The following THSD7B variants were observed in gnomAD, a reference collection of about 807,000 sequenced individuals.
The protein encoded by THSD7B is thrombospondin type 1 domain containing 7B.
THSD7B carries 138 observed loss-of-function variants against 213.6 expected under a neutral mutation model. The ratio of observed to expected loss-of-function variants is 0.65; its 90% CI spans 0.56 to 0.74. The LOEUF (loss-of-function observed/expected upper bound fraction) is 0.74, where lower values mean the gene tolerates loss of function less well. Ranked by LOEUF, THSD7B falls within the 30% of genes least tolerant of loss-of-function variation. The probability of loss-of-function intolerance (pLI) is 0.00; values close to 1 mark genes in which losing one functional copy is unlikely to be tolerated. For missense variants in THSD7B, 1,931 were observed against 1,991.5 expected (o/e 0.97, Z 0.58); for synonymous variants, 742 against 687.0 (o/e 1.08, Z -1.25).
intron 15 of THSD7B, among the ~76,000 whole-genome samples, chr2:137,487,396 A>AAAAAC (rs757398774): frequency 0.1 from 12,015 of 120,306 alleles, 1,327 homozygotes; most frequent in Non-Finnish European, 0.13. Context: ...AAAAAAAAAA[A>AAAAAC]AAAGAACTAG....
At chr2:136,856,070 A>G (rs1259131513) in intron 1 of THSD7B, among the ~76,000 whole-genome samples, 2 of 152,144 alleles carry the variant, frequency 1.3e-5, no homozygotes, top group African/African-American at 2.4e-5. Context: ...CCTTAGTGGC[A>G]TTTATCACTT....
At chr2:137,458,565 A>G (rs1660790556) in intron 15 of THSD7B, among the ~76,000 whole-genome samples, 1 of 152,196 alleles carries the variant, frequency 6.6e-6, no homozygotes. Context: ...TTTGGCACCC[A>G]TCAAGCGGAA....
chr2:136,778,987 C>T (rs1681669594), intron 1 of THSD7B, among the ~76,000 whole-genome samples: 1 of 152,114 alleles, frequency 6.6e-6, no homozygotes, highest in African/African-American at 2.4e-5. Flanking sequence ...CCCAAAAGTA[C>T]ACTTTAAAAT....
chr2:136,917,456 C>A (rs973760914), intron 2 of THSD7B, among the ~76,000 whole-genome samples: 9 of 152,158 alleles, frequency 5.9e-5, no homozygotes, highest in Non-Finnish European at 8.8e-5. Flanking sequence ...AGTGAGTCAG[C>A]TTATGTGTAT....
chr2:137,054,367 A>G (rs1299929655), intron 2 of THSD7B, among the ~76,000 whole-genome samples: 1 of 152,236 alleles, frequency 6.6e-6, no homozygotes, highest in African/African-American at 2.4e-5. Context: ...AGGCATTGAC[A>G]TGCTATTGCC....
chr2:137,094,510 G>GT lies in THSD7B; in HGVS notation c.951-361dup, dbSNP rs34811054. Among the ~76,000 whole-genome samples the GT allele has an allele frequency of 0.025, 3,864 of 151,888 alleles. 263 individuals carry two copies. The East Asian group carries it at 0.28, about 11-fold the overall frequency. ...AGTTGCTTGAATCTGGGAGGCAGAG[G>GT]TTGCATCACTGCACTTCAGCCTGGG... is the stretch of plus-strand genomic sequence containing the variant. On this transcript the variant is annotated intron_variant, in intron 3 of 27. Coordinates refer to ENST00000409968, the MANE Select transcript of THSD7B (RefSeq NM_001316349.2).
rs539392177 is a variant in THSD7B, at chr2:137,102,520, A to T, written c.1199+7399A>T. On this transcript the variant is annotated intron_variant, in intron 4 of 27. Coordinates refer to ENST00000409968, the MANE Select transcript of THSD7B (RefSeq NM_001316349.2). ...CAACTCCTCGCCAGCAGGGGAACAAAACTGGATGGAGAATGAGTTTGACGA... is the reference window on the plus strand; with the variant it reads ...CAACTCCTCGCCAGCAGGGGAACAATACTGGATGGAGAATGAGTTTGACGA... Among the ~76,000 whole-genome samples the T allele has an allele frequency of 2.0e-5, 3 of 152,296 alleles. No individual in the cohort carries two copies. In the South Asian group the frequency reaches 6.2e-4, roughly 32 times the overall value.
At chr2:136,899,091 T>C (rs1684017494) in intron 2 of THSD7B, among the ~76,000 whole-genome samples, 1 of 152,148 alleles carries the variant, frequency 6.6e-6, no homozygotes, top group Non-Finnish European at 1.5e-5. Context: ...AAAATACCCT[T>C]AGTTAAATGA....
chr2:137,479,540 G>A (rs1573649764), intron 15 of THSD7B: 2 of 355,648 alleles, frequency 5.6e-6, no homozygotes, highest in African/African-American at 2.1e-5. Context: ...GCAGCCTTAG[G>A]CAGGTGGCTG....
chr2:137,427,699 C>G (rs967772713), intron 14 of THSD7B, among the ~76,000 whole-genome samples: 18 of 152,004 alleles, frequency 1.2e-4, no homozygotes, highest in African/African-American at 4.1e-4. Context: ...TAGGGGAATG[C>G]TGATCAAAGC....
At chr2:137,348,976 T>A (rs2104918354) in intron 12 of THSD7B, among the ~76,000 whole-genome samples, 1 of 151,778 alleles carries the variant, frequency 6.6e-6, no homozygotes, top group African/African-American at 2.4e-5. Context: ...TAAAATAGTA[T>A]TTTTCTGGCC....
chr2:137,310,474 A>G (rs1367306423), intron 12 of THSD7B, among the ~76,000 whole-genome samples: 1 of 149,576 alleles, frequency 6.7e-6, no homozygotes, highest in African/African-American at 2.5e-5. Flanking sequence ...CTCTGATGGT[A>G]GTTTCTTTTG....
intron 5 of THSD7B, among the ~76,000 whole-genome samples, chr2:137,151,299 C>T (rs938047575): frequency 7.9e-5 from 12 of 151,956 alleles, no homozygotes; most frequent in African/African-American, 2.9e-4. Context: ...AGCTTTTTTC[C>T]ATTTTTAACT....
At chr2:137,059,037 G>T in intron 3 of THSD7B, among the ~76,000 whole-genome samples, 1 of 152,170 alleles carries the variant, frequency 6.6e-6, no homozygotes, top group East Asian at 1.9e-4. Context: ...ATTTAAATGA[G>T]AAATTTATTT....
intron 10 of THSD7B, among the ~76,000 whole-genome samples, chr2:137,267,390 T>C (rs1332995555): frequency 1.3e-5 from 2 of 152,188 alleles, no homozygotes; most frequent in East Asian, 1.9e-4. Flanking sequence ...CTTACAAATA[T>C]GGCACTTTTT....
chr2:137,064,059 T>C (rs751532659), intron 3 of THSD7B, among the ~76,000 whole-genome samples: 1 of 152,096 alleles, frequency 6.6e-6, no homozygotes, highest in Non-Finnish European at 1.5e-5. Context: ...ACGGTAGCTC[T>C]ATTTTTAGTT....
chr2:137,482,423 A>T (rs1167546015), intron 15 of THSD7B, among the ~76,000 whole-genome samples: 1 of 152,210 alleles, frequency 6.6e-6, no homozygotes, highest in Non-Finnish European at 1.5e-5. Context: ...TAAAACTTCT[A>T]ATATACTTAT....
At position 137,618,402 on chromosome 2, in the gene THSD7B, A is replaced by T. The variant is rs17692792; in HGVS notation, c.3576A>T (p.Thr1192=). ...ATCCTATGCCTGTAGAGTGGAGCAC[A>T]TGCCAGCTGAGTGAAAACGCACCCT... is the stretch of plus-strand genomic sequence containing the variant. ...QFQYNLTEWS[T]CQLSENAPCG... The change falls in exon 19 of 28, where the codon ACA becomes ACT. Residue 1192 remains threonine (T), a synonymous_variant. Coordinates refer to ENST00000409968, the MANE Select transcript of THSD7B (RefSeq NM_001316349.2). 222,005 of 1,613,184 alleles carry T rather than the reference A, an allele frequency of 0.14. 16,053 individuals are homozygous for T. The highest frequency in any genetic ancestry group is 0.22 in the South Asian group (19,764 of 91,004).
At chr2:137,242,392 A>G (rs1681930063) in intron 9 of THSD7B, 65 bp from the exon 10 acceptor site, 17 of 1,278,212 alleles carry the variant, frequency 1.3e-5, no homozygotes, top group Admixed American at 3.5e-5. Context: ...CTAAAATCCT[A>G]TAGTTCTGCG....
Sources: allele counts gnomAD v4.1 joint callset (sites outside exome capture counted in the v4.1 genomes callset), GRCh38; gene constraint gnomAD v4.1.1; transcripts MANE v1.5; gene names NCBI Gene and HGNC (gene_info 2026-07-23, HGNC 2026-07-21).